APLP1: variants seen among roughly 807,000 people sequenced by gnomAD.
APLP1 encodes the protein amyloid beta (A4) precursor-like protein 1.
A neutral mutation model predicts 84.5 loss-of-function variants in APLP1; 46 were observed. The observed-to-expected ratio is 0.54, with a 90% CI of 0.43 to 0.70. The LOEUF (loss-of-function observed/expected upper bound fraction) is 0.70. Among genes scored for constraint, APLP1 ranks in the 30% least tolerant of loss-of-function variants. The pLI is 0.00. For missense variants in APLP1, 826 were observed against 900.2 expected (o/e 0.92, Z 1.05); for synonymous variants, 376 against 364.0 (o/e 1.03, Z -0.38).
chr19:35,868,579 A>T lies in APLP1; in HGVS notation c.-58A>T, dbSNP rs1320818779. The T allele has an allele frequency of 8.2e-7, 1 of 1,213,980 alleles. No individual in the cohort carries two copies. Among genetic ancestry groups the T allele is most frequent in the African/African-American group, 1.6e-5 (1 of 63,208 alleles). The allele number at this position is 1,213,980 out of a possible 1,614,324, so 75.2% of individuals were successfully genotyped here. A position where few individuals can be genotyped will look rare whatever the true frequency, so the allele number is the denominator to read the frequency against. On this transcript the variant is annotated 5_prime_UTR_variant, in exon 1 of 17. Coordinates refer to ENST00000221891, the MANE Select transcript of APLP1 (RefSeq NM_001024807.3). This position sits in a 1 kb window ranked among gnomAD's most constrained non-coding sequence, Gnocchi z 5.2. ...GGCGGTGGCGCTGGGAGCTCCTGTC[A>T]CCGCTGGGGCCGGGCCGGGCGGGAG...
chr19:35,874,691 A>G lies in APLP1; in HGVS notation c.1215+29A>G. On this transcript the variant is annotated intron_variant, in intron 9 of 16. Transcript: ENST00000221891. This position sits in a 1 kb window ranked among gnomAD's most constrained non-coding sequence, Gnocchi z 6.4. ...CGGGGACCGTGGGGGCAGAGAGCAG[A>G]GGGTGAGAAGGGTCAGGGCGGGCTT... is the stretch of plus-strand genomic sequence containing the variant. The G allele has an allele frequency of 6.2e-7, 1 of 1,612,698 alleles. No individual in the cohort carries two copies. Among genetic ancestry groups the G allele is most frequent in the Non-Finnish European group, 8.5e-7 (1 of 1,179,168 alleles).
chr19:35,870,749 A>C, intron 2 of APLP1, 147 bp from the exon 3 acceptor site: 1 of 1,174,112 alleles, frequency 8.5e-7, no homozygotes, highest in Non-Finnish European at 1.2e-6. Flanking sequence ...GTACCATTCC[A>C]CTCCAGCCTG....
intron 7 of APLP1, among the ~76,000 whole-genome samples, chr19:35,872,916 A>G (rs544684544): frequency 9.8e-4 from 147 of 150,654 alleles, no homozygotes; most frequent in Non-Finnish European, 1.8e-3. Flanking sequence ...CTGGAGTGCA[A>G]TGGTGCGATC....
rs142066089 is a variant in APLP1 at position 35,875,589 on chromosome 19, C to T, written c.1344+720C>T. On this transcript the variant is annotated intron_variant, in intron 10 of 16. Transcript: ENST00000221891. The stretch of plus-strand genomic sequence containing the variant: ...TCCACCCTTGGCCTCCTAAAGTACT[C>T]GGATTACAGGTGTGAGCCACCACGC... Among the ~76,000 whole-genome samples, 11 of 152,090 alleles carry T rather than the reference C, an allele frequency of 7.2e-5. No individual in the cohort carries two copies. The East Asian group carries it at 2.1e-3, about 29-fold the overall frequency.
intron 1 of APLP1, chr19:35,869,364 G>A: frequency 1.4e-5 from 8 of 573,326 alleles, no homozygotes. Flanking sequence ...CTCCTCCTCC[G>A]CGATTCAGGT....
intron 6 of APLP1, 93 bp from the exon 7 acceptor site, chr19:35,872,390 T>G (rs1335115055): frequency 3.3e-6 from 5 of 1,505,880 alleles, no homozygotes; most frequent in Non-Finnish European, 4.5e-6. Flanking sequence ...TGCATGATGG[T>G]CTCCAGTGCA....
rs1341604180 is a variant in APLP1, at chr19:35,879,757, C to A, written c.*316C>A. ...CCTGGAATTCACCCTCTCATGTTTC[C>A]CTACTAACATCCCAATAAAGTCCTC... is the stretch of plus-strand genomic sequence containing the variant. On this transcript the variant is annotated 3_prime_UTR_variant, in exon 17 of 17. Coordinates refer to ENST00000221891, the MANE Select transcript of APLP1 (RefSeq NM_001024807.3). 3 of 328,634 alleles carry A rather than the reference C, an allele frequency of 9.1e-6. No individual in the cohort carries two copies. The highest frequency in any genetic ancestry group is 1.7e-5 in the Non-Finnish European group (3 of 179,062). 20.4% of individuals were successfully genotyped at this position (328,634 alleles called of 1,614,324 possible). A position where few individuals can be genotyped will look rare whatever the true frequency, so the allele number is the denominator to read the frequency against.
At chr19:35,878,548 G>C (rs373836102) in intron 13 of APLP1, 36 bp from the exon 14 acceptor site, 2 of 807,908 alleles carry the variant, frequency 2.5e-6, no homozygotes, top group African/African-American at 3.8e-5. Flanking sequence ...TCTGTCTAAA[G>C]AAAAAAAAAA....
In APLP1 at chr19:35,878,220, G is replaced by A. The variant is rs566213239; in HGVS notation, c.1579+112G>A. On this transcript the variant is annotated intron_variant, in intron 13 of 16. Coordinates refer to ENST00000221891, the MANE Select transcript of APLP1 (RefSeq NM_001024807.3). The stretch of plus-strand genomic sequence containing the variant: ...CAGACCCCCTGGGGTAGAGTTTGAT[G>A]TACTTTCCAGCCCCCTCCTCTGGAC... 3.2e-5 allele frequency: 38 copies of A among 1,186,976 alleles called. No individual in the cohort carries two copies. The South Asian group carries it at 4.5e-4, about 14-fold the overall frequency. The allele number at this position is 1,186,976 out of a possible 1,614,324, so 73.5% of individuals were successfully genotyped here.
chr19:35,868,584 T>TGGGGC lies in APLP1; in HGVS notation c.-52_-48dup, dbSNP rs1219293330. The TGGGGC allele has an allele frequency of 2.4e-3, 2,890 of 1,219,980 alleles. 5 individuals carry two copies. Among genetic ancestry groups the TGGGGC allele is most frequent in the Non-Finnish European group, 2.8e-3 (2,697 of 980,138 alleles). The allele number at this position is 1,219,980 out of a possible 1,614,324, so 75.6% of individuals were successfully genotyped here. ...TGGCGCTGGGAGCTCCTGTCACCGCTGGGGCCGGGCCGGGCGGGAGTGCAG... is the reference window on the plus strand; with the variant it reads ...TGGCGCTGGGAGCTCCTGTCACCGCTGGGGCGGGGCCGGGCCGGGCGGGAGTGCAG... On this transcript the variant is annotated 5_prime_UTR_variant, in exon 1 of 17. Coordinates refer to ENST00000221891, the MANE Select transcript of APLP1 (RefSeq NM_001024807.3). This position sits in a 1 kb window ranked among gnomAD's most constrained non-coding sequence, Gnocchi z 5.2.
Position 35,874,620 on chromosome 19 carries a change from C to G in APLP1, c.1173C>G (p.Ala391=). ...IALINDQRRA[A]LEGFLAALQA... is the part of the protein sequence containing the mutation. ...TTATCAACGACCAGCGCCGGGCTGC[C>G]TTGGAGGGCTTCCTGGCAGCCCTGC... The change falls in exon 9 of 17, where the codon GCC becomes GCG. Residue 391 remains alanine, a synonymous_variant. Transcript: ENST00000221891. The surrounding 1 kb of genome is among the most constrained non-coding windows in gnomAD (Gnocchi z 6.4). 2 of 1,613,860 alleles carry G rather than the reference C, an allele frequency of 1.2e-6. No individual in the cohort carries two copies. The highest frequency in any genetic ancestry group is 1.7e-6 in the Non-Finnish European group (2 of 1,180,024).
In APLP1 at chr19:35,872,529, C is replaced by T; in HGVS notation, c.897C>T (p.Gly299=). The change falls in exon 7 of 17, where the codon GGC becomes GGT. Residue 299 remains glycine, a synonymous_variant. Coordinates refer to ENST00000221891, the MANE Select transcript of APLP1 (RefSeq NM_001024807.3). Reference sequence around the variant, plus strand: ...CAGACGGTGTGGATATTTACTTTGGCATGCCTGGGGAAATCAGTGAGCACG... The same window carrying T: ...CAGACGGTGTGGATATTTACTTTGGTATGCCTGGGGAAATCAGTGAGCACG... The part of the protein sequence containing the change: ...RPTDGVDIYF[G]MPGEISEHEG... 1 of 1,613,850 alleles carries T rather than the reference C, an allele frequency of 6.2e-7. No individual in the cohort carries two copies. Among genetic ancestry groups the T allele is most frequent in the Admixed American group, 1.7e-5 (1 of 60,006 alleles).
chr19:35,871,497 C>G (rs1974146416), intron 4 of APLP1, 115 bp from the exon 5 acceptor site: 22 of 1,449,200 alleles, frequency 1.5e-5, no homozygotes, highest in Non-Finnish European at 1.9e-5. Flanking sequence ...ACCCCTTCCT[C>G]TAGAAGCAGG....
At chr19:35,875,819 A>G (rs1974269859) in intron 10 of APLP1, among the ~76,000 whole-genome samples, 1 of 150,534 alleles carries the variant, frequency 6.6e-6, no homozygotes. Flanking sequence ...GGGTTTTGCC[A>G]TGTTGCCCAG....
In APLP1 at chr19:35,872,045, G is replaced by T. The variant is rs1974166986; in HGVS notation, c.850+9G>T. ...TGCAGTGGTCGGCAAAGGTGAGGCA[G>T]TCTCTGAACCCCTGGGGCCTCTCCA... On this transcript the variant is annotated intron_variant, in intron 6 of 16. Transcript: ENST00000221891. The T allele has an allele frequency of 1.2e-6, 2 of 1,612,406 alleles. No individual in the cohort carries two copies. The highest frequency in any genetic ancestry group is 1.3e-5 in the African/African-American group (1 of 75,026).
chr19:35,877,673 C>T (rs572310185), intron 11 of APLP1, 45 bp from the exon 12 acceptor site: 1 of 1,433,522 alleles, frequency 7.0e-7, no homozygotes, highest in Admixed American at 1.7e-5. Flanking sequence ...CTCCACTCAC[C>T]CCTATGCTCA....
rs1568476623 is a variant in APLP1 at position 35,874,986 on chromosome 19, G to A, written c.1344+117G>A. On this transcript the variant is annotated intron_variant, in intron 10 of 16. Transcript: ENST00000221891. The surrounding 1 kb of genome is among the most constrained non-coding windows in gnomAD (Gnocchi z 6.4). ...TCTCTTGGACCCCTTCCTATCCCCT[G>A]AACACCGCTTCTCTGCCCCTTCCCA... 3 of 1,382,630 alleles carry A rather than the reference G, an allele frequency of 2.2e-6. No individual in the cohort carries two copies. Among genetic ancestry groups the A allele is most frequent in the East Asian group, 2.5e-5 (1 of 39,904 alleles). The allele number at this position is 1,382,630 out of a possible 1,614,324, so 85.6% of individuals were successfully genotyped here.
rs1479807535 is a variant in APLP1, at chr19:35,871,921, G to A, written c.735G>A (p.Glu245=). The A allele has an allele frequency of 1.2e-6, 2 of 1,614,048 alleles. No homozygotes were observed. The highest frequency in any genetic ancestry group is 1.7e-6 in the Non-Finnish European group (2 of 1,180,034). ...SRVEGAEDEE[E]EESFPQPVDD... ...TAGAGGGGGCTGAGGACGAGGAAGA[G>A]GAGGAATCCTTCCCACAGCCAGTAG... The change falls in exon 6 of 17, where the codon GAG becomes GAA. Residue 245 remains glutamate, a synonymous_variant. Transcript: ENST00000221891.
At chr19:35,876,458 A>C in intron 10 of APLP1, 59 bp from the exon 11 acceptor site, 1 of 1,424,456 alleles carries the variant, frequency 7.0e-7, no homozygotes, top group African/African-American at 1.4e-5. Context: ...ATACTGCTTC[A>C]GTTTCCTCAT....
Sources: gnomAD v4.1 joint callset for allele counts (sites outside exome capture counted in the v4.1 genomes callset) on GRCh38, gnomAD v4.1.1 for gene constraint, Gnocchi (gnomAD v3.1) non-coding constraint, MANE v1.5 for transcripts, NCBI Gene and HGNC (gene_info 2026-07-23, HGNC 2026-07-21) for gene names.